Variants in TENM3 observed in about 807,000 individuals in gnomAD.
TENM3 encodes teneurin-3.
A neutral mutation model predicts 255.1 loss-of-function variants in TENM3; 63 were observed. The ratio of observed to expected loss-of-function variants is 0.25; its 90% confidence interval spans 0.20 to 0.30. The LOEUF (loss-of-function observed/expected upper bound fraction) is 0.30. Ranked by LOEUF, TENM3 falls within the 10% of genes least tolerant of loss-of-function variation. The pLI is 1.00. For missense variants in TENM3, 2,929 were observed against 3,461.1 expected (o/e 0.85, Z 3.86); for synonymous variants, 1,306 against 1,322.3 (o/e 0.99, Z 0.27).
chr4:182,023,478 G>A, the TENM3 span, among the ~76,000 whole-genome samples: 2 of 151,966 alleles, frequency 1.3e-5, no homozygotes, highest in East Asian at 1.9e-4. Flanking sequence ...GGGTATTTTG[G>A]TCAAAAAAGA....
At chr4:182,132,566 G>T in the TENM3 span, among the ~76,000 whole-genome samples, 1 of 152,230 alleles carries the variant, frequency 6.6e-6, no homozygotes, top group South Asian at 2.1e-4. Context: ...GATGAGTAAA[G>T]TTGCTTGGAA....
chr4:181,556,519 C>T, the TENM3 span, among the ~76,000 whole-genome samples: 1,286 of 152,026 alleles, frequency 8.5e-3, 15 homozygotes, highest in African/African-American at 0.029. Flanking sequence ...CTTTTTTATT[C>T]GTTAAAGACT....
At chr4:182,522,979 G>A (rs1580822130) in intron 3 of TENM3, among the ~76,000 whole-genome samples, 1 of 151,834 alleles carries the variant, frequency 6.6e-6, no homozygotes, top group Non-Finnish European at 1.5e-5. Flanking sequence ...TTGTCTTTTT[G>A]GTATAACAGC....
chr4:181,480,576 T>A, the TENM3 span, among the ~76,000 whole-genome samples: 1 of 151,996 alleles, frequency 6.6e-6, no homozygotes, highest in Non-Finnish European at 1.5e-5. Flanking sequence ...TATTTTTTAT[T>A]TCTTTCTGCC....
intron 1 of TENM3, among the ~76,000 whole-genome samples, chr4:182,208,011 T>G (rs1269903239): frequency 6.6e-6 from 1 of 152,232 alleles, no homozygotes; most frequent in African/African-American, 2.4e-5. Flanking sequence ...AGAAGTTTTG[T>G]CAGTTTCATA....
chr4:182,395,803 C>A (rs1409401129), intron 3 of TENM3, among the ~76,000 whole-genome samples: 2 of 152,136 alleles, frequency 1.3e-5, no homozygotes, highest in African/African-American at 4.8e-5. Context: ...GTCTGAAATG[C>A]CCCAGATGTT....
At chr4:182,602,384 T>C (rs1747976117) in intron 4 of TENM3, among the ~76,000 whole-genome samples, 1 of 152,326 alleles carries the variant, frequency 6.6e-6, no homozygotes. Flanking sequence ...TAAATTAGCT[T>C]CTGGGTGAAC....
At chr4:181,455,147 G>T in the TENM3 span, among the ~76,000 whole-genome samples, 2 of 152,046 alleles carry the variant, frequency 1.3e-5, no homozygotes, top group South Asian at 2.1e-4. Context: ...CTTATGATAG[G>T]TTACTAAAAG....
the TENM3 span, among the ~76,000 whole-genome samples, chr4:181,928,202 C>T: frequency 9.2e-5 from 14 of 152,098 alleles, no homozygotes; most frequent in South Asian, 1.5e-3. Context: ...CAGAAGTAGG[C>T]TTCAGAAGGT....
intron 3 of TENM3, among the ~76,000 whole-genome samples, chr4:182,540,270 CAG>C (rs1740732854): frequency 6.6e-6 from 1 of 152,132 alleles, no homozygotes; most frequent in South Asian, 2.1e-4. Flanking sequence ...AAATTGCTAA[CAG>C]AGTATTCGTT....
chr4:181,694,213 A>G, the TENM3 span, among the ~76,000 whole-genome samples: 1 of 152,200 alleles, frequency 6.6e-6, no homozygotes, highest in Non-Finnish European at 1.5e-5. Context: ...ACCTATGCAC[A>G]CAAAGAAACA....
At chr4:181,731,786 T>G in the TENM3 span, among the ~76,000 whole-genome samples, 6 of 151,922 alleles carry the variant, frequency 3.9e-5, no homozygotes, top group Non-Finnish European at 8.8e-5. Context: ...GAAAAGAAAA[T>G]AAAGTCAAGT....
the TENM3 span, among the ~76,000 whole-genome samples, chr4:181,559,417 G>A: frequency 1.8e-3 from 272 of 152,274 alleles, no homozygotes; most frequent in African/African-American, 6.2e-3. Flanking sequence ...CAGCAGCTTG[G>A]AGTAGTGATT....
intron 24 of TENM3, among the ~76,000 whole-genome samples, chr4:182,777,545 T>TTA (rs1764781152): frequency 1.1e-5 from 1 of 88,630 alleles, no homozygotes; most frequent in African/African-American, 4.6e-5. Context: ...GTGTGTGTAT[T>TTA]TCTTTTTTTT....
At chr4:182,344,574 A>G (rs1014090348) in intron 2 of TENM3, among the ~76,000 whole-genome samples, 8 of 152,122 alleles carry the variant, frequency 5.3e-5, no homozygotes, top group Admixed American at 4.6e-4. Flanking sequence ...TAGTGTGAAA[A>G]GCCAATCACT....
At chr4:181,761,394 G>C in the TENM3 span, among the ~76,000 whole-genome samples, 7 of 151,964 alleles carry the variant, frequency 4.6e-5, no homozygotes, top group African/African-American at 1.7e-4. Context: ...ACTTATTTGT[G>C]CACAATAAGA....
In TENM3 at chr4:182,681,985, C is replaced by T; in HGVS notation, c.2006C>T (p.Pro669Leu). ...LQESGSCTCD[P>L]NWTGPDCSNE... ...GAAAGTGGCTCCTGCACGTGTGACCCTAACTGGACTGGCCCAGACTGCTCA... is the reference window on the plus strand; with the variant it reads ...GAAAGTGGCTCCTGCACGTGTGACCTTAACTGGACTGGCCCAGACTGCTCA... The change falls in exon 11 of 28, where the codon CCT becomes CTT. Residue 669 changes from proline (P) to leucine (L), a missense_variant. Transcript: ENST00000511685. The T allele has an allele frequency of 6.2e-7, 1 of 1,613,940 alleles. No individual in the cohort carries two copies. The highest frequency in any genetic ancestry group is 1.3e-5 in the African/African-American group (1 of 75,042).
intron 22 of TENM3, among the ~76,000 whole-genome samples, chr4:182,766,556 G>A (rs913908044): frequency 6.6e-6 from 1 of 152,110 alleles, no homozygotes; most frequent in Non-Finnish European, 1.5e-5. Flanking sequence ...CCCTGATGTG[G>A]TAATGACTAT....
chr4:181,965,164 A>G, the TENM3 span, among the ~76,000 whole-genome samples: 1 of 152,328 alleles, frequency 6.6e-6, no homozygotes, highest in Middle Eastern at 3.4e-3. Context: ...AACAGGTCAT[A>G]ATTAGTGTGT....
Sources: gnomAD v4.1 joint callset for allele counts (sites outside exome capture counted in the v4.1 genomes callset) on GRCh38, gnomAD v4.1.1 for gene constraint, MANE v1.5 for transcripts, NCBI Gene and HGNC (gene_info 2026-07-23, HGNC 2026-07-21) for gene names.